The following DIPK1A variants were observed in gnomAD, a reference collection of about 807,000 sequenced individuals.
DIPK1A encodes family with sequence similarity 69 member A.
A neutral mutation model predicts 40.8 loss-of-function variants in DIPK1A; 27 were observed. That is an observed-to-expected ratio of 0.66 (90% CI 0.49 to 0.91). The LOEUF (loss-of-function observed/expected upper bound fraction) is 0.91. Ranked by LOEUF, DIPK1A falls within the 40% of genes least tolerant of loss-of-function variation. DIPK1A has a pLI of 0.00. For synonymous variants in DIPK1A, 166 were observed against 171.3 expected (o/e 0.97, Z 0.24); for missense variants, 412 against 505.7 (o/e 0.81, Z 1.78).
chr1:92,894,294 A>T (rs1359480055), intron 1 of DIPK1A, among the ~76,000 whole-genome samples: 2 of 152,104 alleles, frequency 1.3e-5, no homozygotes, highest in Non-Finnish European at 2.9e-5. Context: ...AGAAATTATA[A>T]CAAACTGTCT....
At chr1:92,899,020 A>C (rs1319282418) in intron 1 of DIPK1A, among the ~76,000 whole-genome samples, 1 of 152,142 alleles carries the variant, frequency 6.6e-6, no homozygotes, top group African/African-American at 2.4e-5. Flanking sequence ...CTCCCATGTC[A>C]GCCTCTCAAA....
intron 1 of DIPK1A, among the ~76,000 whole-genome samples, chr1:92,903,709 A>C (rs2100825337): frequency 6.6e-6 from 1 of 152,350 alleles, no homozygotes; most frequent in East Asian, 1.9e-4. Flanking sequence ...AGGTATCGTA[A>C]GAGCTACCAA....
At chr1:92,860,827 T>A (rs922201252) in intron 2 of DIPK1A, among the ~76,000 whole-genome samples, 2 of 152,050 alleles carry the variant, frequency 1.3e-5, no homozygotes, top group Non-Finnish European at 2.9e-5. Flanking sequence ...TTAATAAGTT[T>A]ACAGGCAGAT....
rs529552201 is a variant in DIPK1A at position 92,904,664 on chromosome 1, A to T, written c.55-28234T>A. 3.5e-4 allele frequency among the ~76,000 whole-genome samples: 54 copies of T among 152,172 alleles called. No homozygotes were observed. In the South Asian group the frequency reaches 9.7e-3, roughly 27 times the overall value. ...TTTATTTTTTCTTTATGTTATGAAC[A>T]TTCCAATTATACCTTTTTAGTTATT... On this transcript the variant is annotated intron_variant, in intron 1 of 4. Transcript: ENST00000370310.
At chr1:92,845,287 G>A (rs1022431519) in intron 4 of DIPK1A, among the ~76,000 whole-genome samples, 1 of 94,992 alleles carries the variant, frequency 1.1e-5, no homozygotes, top group African/African-American at 3.8e-5. Flanking sequence ...AATTTGCAGA[G>A]TACCGTTTTT....
At chr1:92,922,754 C>A (rs1215897002) in intron 1 of DIPK1A, among the ~76,000 whole-genome samples, 3 of 152,184 alleles carry the variant, frequency 2.0e-5, no homozygotes, top group Admixed American at 2.0e-4. Flanking sequence ...ATATTTTGAA[C>A]CCTGGCATAC....
intron 1 of DIPK1A, among the ~76,000 whole-genome samples, chr1:92,888,948 T>C (rs963173997): frequency 1.3e-5 from 2 of 152,224 alleles, no homozygotes; most frequent in Non-Finnish European, 2.9e-5. Flanking sequence ...GCAAATATTT[T>C]CTCTCATTCT....
At chr1:92,887,229 A>C in intron 1 of DIPK1A, among the ~76,000 whole-genome samples, 1 of 149,606 alleles carries the variant, frequency 6.7e-6, no homozygotes, top group African/African-American at 2.5e-5. Flanking sequence ...CCAACTAGAG[A>C]AACATAGGAA....
intron 1 of DIPK1A, among the ~76,000 whole-genome samples, chr1:92,903,462 C>T (rs1328184973): frequency 2.0e-5 from 3 of 152,188 alleles, no homozygotes; most frequent in East Asian, 3.8e-4. Flanking sequence ...TTGACAGTGG[C>T]CTTGACACTT....
At chr1:92,926,729 T>C (rs964088091) in intron 1 of DIPK1A, among the ~76,000 whole-genome samples, 2 of 152,228 alleles carry the variant, frequency 1.3e-5, no homozygotes, top group South Asian at 2.1e-4. Context: ...TTCTGATATA[T>C]TGAGTTTTTA....
intron 1 of DIPK1A, chr1:92,876,913 A>G (rs981172223): frequency 1.1e-5 from 10 of 885,260 alleles, no homozygotes; most frequent in Non-Finnish European, 1.2e-5. Context: ...GACAACCAGA[A>G]CAAGAAATTA....
chr1:92,909,111 C>T (rs1221105503), intron 1 of DIPK1A, among the ~76,000 whole-genome samples: 1 of 152,064 alleles, frequency 6.6e-6, no homozygotes, highest in Non-Finnish European at 1.5e-5. Flanking sequence ...TAAATGTAAA[C>T]AGATGTCAAC....
At chr1:92,888,136 C>T (rs1571093057) in intron 1 of DIPK1A, among the ~76,000 whole-genome samples, 1 of 152,048 alleles carries the variant, frequency 6.6e-6, no homozygotes, top group Non-Finnish European at 1.5e-5. Context: ...CTTACTTCTC[C>T]TATCTAGCTG....
At chr1:92,874,082 A>C (rs1648004402) in intron 2 of DIPK1A, among the ~76,000 whole-genome samples, 1 of 152,192 alleles carries the variant, frequency 6.6e-6, no homozygotes, top group Admixed American at 6.5e-5. Context: ...AGACTCAGAA[A>C]GCTCTTTCAT....
rs529303575 is a variant in DIPK1A at position 92,921,783 on chromosome 1, G to A, written c.54+39593C>T. ...TAGTGAAAGCAAGTCATCTATAAAA[G>A]GTACAAGGAAAGGGACCAGGAGTTC... is the stretch of plus-strand genomic sequence containing the variant. On this transcript the variant is annotated intron_variant, in intron 1 of 4. Transcript: ENST00000370310. Among the ~76,000 whole-genome samples, 6 of 152,258 alleles carry A rather than the reference G, an allele frequency of 3.9e-5. No individual in the cohort carries two copies. The South Asian group carries it at 1.2e-3, about 32-fold the overall frequency.
chr1:92,893,289 C>A lies in DIPK1A; in HGVS notation c.55-16859G>T, dbSNP rs1336347034. Among the ~76,000 whole-genome samples, 13 of 151,544 alleles carry A rather than the reference C, an allele frequency of 8.6e-5. 1 individual carries two copies. The highest frequency in any genetic ancestry group is 8.6e-4 in the Admixed American group (13 of 15,184). ...TACCCACAAAGGGAAGCCCATCAGA[C>A]TAACAGCGGATCTCTCGGCAGAAAC... is the stretch of plus-strand genomic sequence containing the variant. On this transcript the variant is annotated intron_variant, in intron 1 of 4. Coordinates refer to ENST00000370310, the MANE Select transcript of DIPK1A (RefSeq NM_001006605.5).
At chr1:92,851,561 A>AAAAAAAAC (rs1557452848) in intron 2 of DIPK1A, among the ~76,000 whole-genome samples, 1 of 93,036 alleles carries the variant, frequency 1.1e-5, no homozygotes, top group African/African-American at 3.4e-5. Context: ...AAAAAAAAAA[A>AAAAAAAAC]ACTTCTGGTT....
chr1:92,869,851 A>C (rs183327249), intron 2 of DIPK1A, among the ~76,000 whole-genome samples: 34 of 152,248 alleles, frequency 2.2e-4, no homozygotes, highest in Admixed American at 3.9e-4. Context: ...GAGAGAGGCA[A>C]TCGGTTTAGA....
intron 2 of DIPK1A, among the ~76,000 whole-genome samples, chr1:92,872,935 C>T (rs901429197): frequency 1.3e-5 from 2 of 152,092 alleles, no homozygotes. Context: ...GGCAAATATC[C>T]CAACAGGATA....
Sources: allele counts gnomAD v4.1 joint callset (sites outside exome capture counted in the v4.1 genomes callset), GRCh38; gene constraint gnomAD v4.1.1; transcripts MANE v1.5; gene names NCBI Gene and HGNC (gene_info 2026-07-23, HGNC 2026-07-21).